The following CNTNAP2 variants were observed in gnomAD, a reference collection of about 807,000 sequenced individuals.
The protein encoded by CNTNAP2 is contactin associated protein 2, also known as contactin-associated protein-like 2.
A neutral mutation model predicts 155.2 loss-of-function variants in CNTNAP2; 98 were observed. That is an observed-to-expected ratio of 0.63 (90% CI 0.54 to 0.75). CNTNAP2 has a LOEUF of 0.75. CNTNAP2 is among the 30% of genes least tolerant of loss of function. CNTNAP2 has a pLI of 0.00. For synonymous variants in CNTNAP2, 651 were observed against 631.2 expected (o/e 1.03, Z -0.47); for missense variants, 1,727 against 1,688.1 (o/e 1.02, Z -0.40).
chr7:148,172,605 C>T, intron 18 of CNTNAP2, 127 bp downstream of exon 18: 1 of 920,456 alleles, frequency 1.1e-6, no homozygotes, highest in East Asian at 2.4e-5. Flanking sequence ...GAATTTTTCT[C>T]TCAACTTAGG....
At chr7:146,422,334 T>C (rs892255302) in intron 1 of CNTNAP2, among the ~76,000 whole-genome samples, 5 of 149,712 alleles carry the variant, frequency 3.3e-5, no homozygotes, top group Admixed American at 2.7e-4. Context: ...AGAATATATA[T>C]ACATATATGT....
At chr7:146,666,421 C>A (rs1800196429) in intron 1 of CNTNAP2, among the ~76,000 whole-genome samples, 1 of 152,126 alleles carries the variant, frequency 6.6e-6, no homozygotes, top group South Asian at 2.1e-4. Context: ...TAAGTTGATT[C>A]CGTATCTTGG....
intron 2 of CNTNAP2, among the ~76,000 whole-genome samples, chr7:146,835,467 C>G (rs2129199566): frequency 6.6e-6 from 1 of 152,160 alleles, no homozygotes; most frequent in South Asian, 2.1e-4. Context: ...TTTGTTACCC[C>G]ACAATAACTG....
chr7:147,733,193 T>C (rs907074218), intron 13 of CNTNAP2, among the ~76,000 whole-genome samples: 12 of 152,262 alleles, frequency 7.9e-5, no homozygotes, highest in African/African-American at 2.9e-4. Flanking sequence ...TTAATCCATC[T>C]TGAATTCATT....
At chr7:146,755,871 G>A (rs1383455139) in intron 1 of CNTNAP2, among the ~76,000 whole-genome samples, 2 of 151,874 alleles carry the variant, frequency 1.3e-5, no homozygotes, top group African/African-American at 4.8e-5. Context: ...TACAGTGACT[G>A]CCTTGCTTCA....
chr7:147,997,341 G>C (rs924008132), intron 15 of CNTNAP2, among the ~76,000 whole-genome samples: 1 of 151,960 alleles, frequency 6.6e-6, no homozygotes, highest in Non-Finnish European at 1.5e-5. Flanking sequence ...ATGACCTGAG[G>C]TTGGGAGTTC....
At chr7:147,813,366 T>G (rs1798212655) in intron 13 of CNTNAP2, among the ~76,000 whole-genome samples, 1 of 152,212 alleles carries the variant, frequency 6.6e-6, no homozygotes, top group Non-Finnish European at 1.5e-5. Context: ...GAAGAAAGCC[T>G]TTTTAGATGA....
chr7:148,254,888 C>G (rs915228189), intron 20 of CNTNAP2, among the ~76,000 whole-genome samples: 1 of 151,760 alleles, frequency 6.6e-6, no homozygotes, highest in Admixed American at 6.6e-5. Context: ...TTTTCTTCCT[C>G]CCTTTTCCAC....
At chr7:146,761,241 T>G (rs1585077918) in intron 1 of CNTNAP2, among the ~76,000 whole-genome samples, 1 of 151,684 alleles carries the variant, frequency 6.6e-6, no homozygotes, top group African/African-American at 2.4e-5. Flanking sequence ...ATTAAACAAG[T>G]TAATACGCAG....
rs546418812 is a variant in CNTNAP2, at chr7:147,052,357, A to G, written c.550+8303A>G. 1.3e-3 allele frequency among the ~76,000 whole-genome samples: 200 copies of G among 152,236 alleles called. 1 individual carries two copies. The highest frequency in any genetic ancestry group is 4.6e-3 in the African/African-American group (192 of 41,554). ...AATGGCAGGCTCCCTGTACACAATA[A>G]ATGTTTGCTGAAATGAACTGACATC... is the stretch of plus-strand genomic sequence containing the variant. On this transcript the variant is annotated intron_variant, in intron 4 of 23. Transcript: ENST00000361727.
intron 13 of CNTNAP2, among the ~76,000 whole-genome samples, chr7:147,677,053 G>A (rs898890947): frequency 1.6e-5 from 2 of 125,342 alleles, no homozygotes; most frequent in East Asian, 5.1e-4. Context: ...GGATCACTTA[G>A]GAGTTCTGTT....
At chr7:147,233,377 T>C (rs1159256779) in intron 8 of CNTNAP2, among the ~76,000 whole-genome samples, 2 of 152,194 alleles carry the variant, frequency 1.3e-5, no homozygotes, top group Non-Finnish European at 2.9e-5. Flanking sequence ...TTTCTTTTCT[T>C]ACATTAAATT....
chr7:147,740,650 T>G lies in CNTNAP2; in HGVS notation c.2098+101344T>G, dbSNP rs1266576457. ...TGTAGATGAGTAAAGCATGTGAATT[T>G]AGGGGAAAATATCATCAGTCACTTC... is the stretch of plus-strand genomic sequence containing the variant. On this transcript the variant is annotated intron_variant, in intron 13 of 23. Coordinates refer to ENST00000361727, the MANE Select transcript of CNTNAP2 (RefSeq NM_014141.6). Among the ~76,000 whole-genome samples, 5 of 152,190 alleles carry G rather than the reference T, an allele frequency of 3.3e-5. 1 individual carries two copies.
chr7:147,643,211 G>A (rs1335488676), intron 13 of CNTNAP2, among the ~76,000 whole-genome samples: 1 of 152,158 alleles, frequency 6.6e-6, no homozygotes, highest in African/African-American at 2.4e-5. Flanking sequence ...GGGAATATTA[G>A]GGCTTGTCTG....
chr7:146,933,907 G>C (rs1344698507), intron 3 of CNTNAP2, among the ~76,000 whole-genome samples: 1 of 151,770 alleles, frequency 6.6e-6, no homozygotes, highest in Admixed American at 6.6e-5. Context: ...TCTCACACCA[G>C]TTAGAATGGC....
intron 1 of CNTNAP2, among the ~76,000 whole-genome samples, chr7:146,721,878 T>C: frequency 1.0e-5 from 1 of 99,146 alleles, no homozygotes; most frequent in African/African-American, 8.0e-5. Flanking sequence ...TGTGTGTGTA[T>C]ATATATATAT....
At chr7:146,301,139 G>A (rs936699251) in intron 1 of CNTNAP2, among the ~76,000 whole-genome samples, 4 of 152,114 alleles carry the variant, frequency 2.6e-5, no homozygotes, top group Non-Finnish European at 5.9e-5. Flanking sequence ...CAAAGCAAAT[G>A]CTGTTTATAA....
rs773791634 is a variant in CNTNAP2 at position 147,108,399 on chromosome 7, T to G, written c.754+49T>G. The stretch of plus-strand genomic sequence containing the variant: ...TTCTTTCCGTTATGGATGTTCCCAT[T>G]AGGAATATGTTCATGTTGCTCAATT... On this transcript the variant is annotated intron_variant, in intron 5 of 23. Coordinates refer to ENST00000361727, the MANE Select transcript of CNTNAP2 (RefSeq NM_014141.6). 5 of 1,468,956 alleles carry G rather than the reference T, an allele frequency of 3.4e-6. No homozygotes were observed. The South Asian group carries it at 6.1e-5, about 18-fold the overall frequency. The allele number at this position is 1,468,956 out of a possible 1,614,324, so 91.0% of individuals were successfully genotyped here.
At chr7:146,776,482 G>A (rs1005993395) in intron 2 of CNTNAP2, among the ~76,000 whole-genome samples, 1 of 152,146 alleles carries the variant, frequency 6.6e-6, no homozygotes, top group South Asian at 2.1e-4. Context: ...GTTGAGCAAG[G>A]AACCCATTTC....
Sources: gnomAD v4.1 joint callset for allele counts (sites outside exome capture counted in the v4.1 genomes callset) on GRCh38, gnomAD v4.1.1 for gene constraint, MANE v1.5 for transcripts, NCBI Gene and HGNC (gene_info 2026-07-23, HGNC 2026-07-21) for gene names.